Variants in GRM1 observed in about 807,000 individuals in gnomAD.
GRM1 encodes the protein metabotropic glutamate receptor 1.
In GRM1, 33 loss-of-function variants were observed where a neutral mutation model predicts 90.9. That is an observed-to-expected ratio of 0.36 (90% CI 0.28 to 0.49). The LOEUF is 0.49. GRM1 is among the 20% of genes least tolerant of loss of function. The pLI, the probability that GRM1 is intolerant of heterozygous loss-of-function variation, is 0.99. For synonymous variants in GRM1, 700 were observed against 613.2 expected (o/e 1.14, Z -2.09); for missense variants, 1,190 against 1,534.3 (o/e 0.78, Z 3.75).
intron 2 of GRM1, among the ~76,000 whole-genome samples, chr6:146,266,271 CA>C (rs1437440315): frequency 1.3e-5 from 2 of 151,900 alleles, no homozygotes; most frequent in African/African-American, 4.8e-5. Flanking sequence ...ATGAAATGAG[CA>C]AATAATATTT....
At chr6:146,120,708 G>C (rs1775950869) in intron 1 of GRM1, among the ~76,000 whole-genome samples, 1 of 152,128 alleles carries the variant, frequency 6.6e-6, no homozygotes, top group Non-Finnish European at 1.5e-5. Context: ...TGTGGTTTTT[G>C]TCTTTGGTTC....
At chr6:146,068,798 ACTT>A (rs1775936515) in intron 1 of GRM1, among the ~76,000 whole-genome samples, 1 of 152,216 alleles carries the variant, frequency 6.6e-6, no homozygotes, top group Admixed American at 6.5e-5. Context: ...GATTTTAATT[ACTT>A]ATCTGAACAA....
At chr6:146,207,117 T>G (rs1462937232) in intron 2 of GRM1, among the ~76,000 whole-genome samples, 2 of 152,202 alleles carry the variant, frequency 1.3e-5, no homozygotes, top group Non-Finnish European at 2.9e-5. Flanking sequence ...TAAACATTCA[T>G]GTGCATGTGT....
chr6:146,318,675 G>A (rs1010509456), intron 3 of GRM1, among the ~76,000 whole-genome samples: 1 of 152,060 alleles, frequency 6.6e-6, no homozygotes, highest in Non-Finnish European at 1.5e-5. Flanking sequence ...GTTGTTTCCT[G>A]ACTTTTTAAT....
intron 5 of GRM1, among the ~76,000 whole-genome samples, chr6:146,375,134 A>G (rs1274172695): frequency 6.6e-6 from 1 of 151,994 alleles, no homozygotes; most frequent in African/African-American, 2.4e-5. Context: ...TTGACCCACT[A>G]GTCATTCAGT....
chr6:146,424,048 C>A (rs1778107779), intron 7 of GRM1, among the ~76,000 whole-genome samples: 2 of 152,182 alleles, frequency 1.3e-5, no homozygotes, highest in South Asian at 4.1e-4. Context: ...CCTCTCCAGC[C>A]AGTCACTGGG....
chr6:146,296,369 A>G (rs1458347386), intron 2 of GRM1, among the ~76,000 whole-genome samples: 1 of 152,228 alleles, frequency 6.6e-6, no homozygotes, highest in Non-Finnish European at 1.5e-5. Context: ...GAATGATTAA[A>G]TCAGACTACT....
chr6:146,414,711 T>C (rs975629691), intron 7 of GRM1, among the ~76,000 whole-genome samples: 1 of 152,244 alleles, frequency 6.6e-6, no homozygotes, highest in Non-Finnish European at 1.5e-5. Flanking sequence ...CTGCCTTTTA[T>C]TATTAATCGT....
At chr6:146,163,819 C>A (rs146484148) in intron 2 of GRM1, among the ~76,000 whole-genome samples, 2 of 152,236 alleles carry the variant, frequency 1.3e-5, no homozygotes, top group East Asian at 3.9e-4. Flanking sequence ...TTCTTTATTT[C>A]TTTGCATTCT....
At chr6:146,089,150 G>A (rs1270289412) in intron 1 of GRM1, among the ~76,000 whole-genome samples, 1 of 152,050 alleles carries the variant, frequency 6.6e-6, no homozygotes, top group East Asian at 1.9e-4. Context: ...TCTCCTTGCT[G>A]GCCTGATGGA....
At chr6:146,253,243 G>C (rs1368582755) in intron 2 of GRM1, among the ~76,000 whole-genome samples, 7 of 152,186 alleles carry the variant, frequency 4.6e-5, no homozygotes, top group Non-Finnish European at 8.8e-5. Context: ...GATTTGTTTA[G>C]AGATTTAAGT....
At chr6:146,248,204 A>G (rs920659235) in intron 2 of GRM1, among the ~76,000 whole-genome samples, 2 of 152,178 alleles carry the variant, frequency 1.3e-5, no homozygotes, top group African/African-American at 4.8e-5. Context: ...CTTTCATTAT[A>G]AAAAGCCCTA....
intron 2 of GRM1, among the ~76,000 whole-genome samples, chr6:146,248,202 A>G (rs1781140880): frequency 6.6e-6 from 1 of 152,108 alleles, no homozygotes; most frequent in Non-Finnish European, 1.5e-5. Context: ...TGCTTTCATT[A>G]TAAAAAGCCC....
At chr6:146,299,026 C>T (rs982011816) in intron 2 of GRM1, among the ~76,000 whole-genome samples, 2 of 152,180 alleles carry the variant, frequency 1.3e-5, no homozygotes, top group Non-Finnish European at 2.9e-5. Flanking sequence ...CTGCTTGTTC[C>T]TGTCTTAGGA....
At position 146,029,065 on chromosome 6, in the gene GRM1, C is replaced by A; in HGVS notation, c.-453C>A. 3.7e-6 allele frequency: 1 copy of A among 267,142 alleles called. No individual in the cohort carries two copies. The highest frequency in any genetic ancestry group is 7.3e-6 in the Non-Finnish European group (1 of 136,526). 16.5% of individuals were successfully genotyped at this position (267,142 alleles called of 1,614,324 possible). A position where few individuals can be genotyped will look rare whatever the true frequency, so the allele number is the denominator to read the frequency against. ...TCAGTGACCACAGCTGCGCTCCAAG[C>A]TGTTCCTGCAGCCGATATCAGGATG... On this transcript the variant is annotated 5_prime_UTR_variant, in exon 1 of 8. The change creates a new upstream start codon in the 5' untranslated region. Transcript: ENST00000282753.
At chr6:146,122,599 A>G (rs1776031210) in intron 1 of GRM1, among the ~76,000 whole-genome samples, 2 of 152,176 alleles carry the variant, frequency 1.3e-5, no homozygotes, top group South Asian at 2.1e-4. Flanking sequence ...GTTGCACTGA[A>G]CACTGGAGAA....
intron 1 of GRM1, among the ~76,000 whole-genome samples, chr6:146,042,262 A>C (rs1791140906): frequency 6.6e-6 from 1 of 152,020 alleles, no homozygotes; most frequent in Non-Finnish European, 1.5e-5. Context: ...TCAGTTTATA[A>C]ATCAATTGGA....
chr6:146,351,672 C>G (rs2115040082), intron 3 of GRM1, among the ~76,000 whole-genome samples: 1 of 152,150 alleles, frequency 6.6e-6, no homozygotes, highest in African/African-American at 2.4e-5. Context: ...TTTCCAATAA[C>G]TAGCAAATCT....
intron 1 of GRM1, among the ~76,000 whole-genome samples, chr6:146,106,113 C>A (rs1306166131): frequency 6.6e-6 from 1 of 152,204 alleles, no homozygotes; most frequent in East Asian, 1.9e-4. Context: ...AGGTTTAATG[C>A]GTCATTAAGC....
Sources: gnomAD v4.1 joint callset for allele counts (sites outside exome capture counted in the v4.1 genomes callset) on GRCh38, gnomAD v4.1.1 for gene constraint, MANE v1.5 for transcripts, NCBI Gene and HGNC (gene_info 2026-07-23, HGNC 2026-07-21) for gene names.